The following BAZ2B variants were observed in gnomAD, a reference collection of about 807,000 sequenced individuals.
BAZ2B encodes the protein bromodomain adjacent to zinc finger domain protein 2B.
A neutral mutation model predicts 246.0 loss-of-function variants in BAZ2B; 91 were observed. That is an observed-to-expected ratio of 0.37 (90% CI 0.31 to 0.44). The LOEUF is 0.44. Ranked by LOEUF, BAZ2B falls within the 20% of genes least tolerant of loss-of-function variation. The pLI is 1.00. For synonymous variants in BAZ2B, 855 were observed against 860.0 expected, an observed-to-expected ratio of 0.99 and a Z score of 0.10; for missense variants, 2,332 against 2,533.7, an observed-to-expected ratio of 0.92 and a Z score of 1.71.
At position 159,383,680 on chromosome 2, in the gene BAZ2B, A is replaced by T; in HGVS notation, c.3687T>A (p.Ser1229Arg). ...NELACSKSVV[S>R]EIDKNIDYMS... ...TATAATCAATGTTCTTGTCGATTTC[A>T]CTGCCAATGCAAGAATTTATTAAAA... is the stretch of plus-strand genomic sequence containing the variant. Residue 1229 changes from serine (S) to arginine (R), a missense_variant and splice_region_variant, in exon 24 of 37, where the codon AGT becomes AGA. Physicochemically the swap from Ser to Arg is moderately radical, Grantham distance 110. This residue lies in a region of BAZ2B where 328 missense variants were observed against 410.4 expected (regional missense o/e 0.80). Transcript: ENST00000392783. The T allele has an allele frequency of 5.6e-6, 9 of 1,609,222 alleles. No individual in the cohort carries two copies. Among genetic ancestry groups the T allele is most frequent in the Non-Finnish European group, 7.6e-6 (9 of 1,177,436 alleles).
the BAZ2B span, among the ~76,000 whole-genome samples, chr2:159,650,470 C>G: frequency 6.6e-6 from 1 of 152,100 alleles, no homozygotes; most frequent in African/African-American, 2.4e-5. Flanking sequence ...TACCCAATGC[C>G]CCATAAATAG....
At chr2:159,461,519 T>A (rs191284326) in intron 3 of BAZ2B, 1 of 152,540 alleles carries the variant, frequency 6.6e-6, no homozygotes, top group African/African-American at 2.4e-5. Context: ...ATGATTTACA[T>A]AGCTGTTTAA....
At chr2:159,337,142 A>C (rs2065814908) in intron 32 of BAZ2B, 65 bp from the exon 33 acceptor site, 12 of 1,532,636 alleles carry the variant, frequency 7.8e-6, no homozygotes, top group Non-Finnish European at 1.1e-5. Context: ...AATGTGAAAC[A>C]ATCATCACAC....
At chr2:159,495,033 G>C (rs2080919321) in intron 2 of BAZ2B, among the ~76,000 whole-genome samples, 1 of 152,208 alleles carries the variant, frequency 6.6e-6, no homozygotes, top group East Asian at 1.9e-4. Context: ...AAATGGGGTG[G>C]CCTTTTCAGG....
At chr2:159,681,085 A>G in the BAZ2B span, among the ~76,000 whole-genome samples, 1 of 152,168 alleles carries the variant, frequency 6.6e-6, no homozygotes, top group Non-Finnish European at 1.5e-5. Context: ...TTCCTTCTAC[A>G]TAAAATGAGC....
chr2:159,402,229 C>T (rs2065193076), intron 16 of BAZ2B, among the ~76,000 whole-genome samples: 1 of 152,062 alleles, frequency 6.6e-6, no homozygotes, highest in Admixed American at 6.6e-5. Context: ...GGGCAGATCA[C>T]CTGAGGTCAG....
chr2:159,589,932 A>T (rs1688911210), intron 1 of BAZ2B, among the ~76,000 whole-genome samples: 1 of 152,150 alleles, frequency 6.6e-6, no homozygotes, highest in Non-Finnish European at 1.5e-5. Context: ...CACGCCTGTG[A>T]TCCCAGCACT....
chr2:159,332,259 T>C (rs1028535470), intron 34 of BAZ2B, among the ~76,000 whole-genome samples: 2 of 149,864 alleles, frequency 1.3e-5, no homozygotes, highest in Admixed American at 1.3e-4. Flanking sequence ...CAGGCTGAGG[T>C]AGGAAGATTG....
chr2:159,557,957 G>A (rs894046505), intron 1 of BAZ2B, among the ~76,000 whole-genome samples: 4 of 151,460 alleles, frequency 2.6e-5, no homozygotes, highest in East Asian at 1.9e-4. Flanking sequence ...GGGAAAGCGC[G>A]GGTAGTGAAT....
intron 2 of BAZ2B, among the ~76,000 whole-genome samples, chr2:159,534,312 T>C (rs923289266): frequency 6.6e-5 from 10 of 152,182 alleles, no homozygotes; most frequent in African/African-American, 2.4e-4. Context: ...ACCTAGATGG[T>C]AAAGACTACT....
chr2:159,644,228 A>G, the BAZ2B span, among the ~76,000 whole-genome samples: 6 of 152,214 alleles, frequency 3.9e-5, no homozygotes, highest in East Asian at 1.9e-4. Context: ...CAAAAATACA[A>G]TGGTGGGCTA....
In BAZ2B at chr2:159,512,744, G is replaced by C. The variant is rs185482355; in HGVS notation, c.-2-34023C>G. On this transcript the variant is annotated intron_variant, in intron 2 of 36. Transcript: ENST00000392783. ...AGCACTTATTAAGCACTATACACAG[G>C]GATGGGAACCAGGAGTAGAGGGAGT... Among the ~76,000 whole-genome samples, 284 of 152,224 alleles carry C rather than the reference G, an allele frequency of 1.9e-3. 2 individuals carry two copies. Among genetic ancestry groups the C allele is most frequent in the Admixed American group, 3.0e-3 (46 of 15,298 alleles).
intron 1 of BAZ2B, among the ~76,000 whole-genome samples, chr2:159,602,212 G>A (rs189372833): frequency 5.9e-5 from 9 of 152,100 alleles, no homozygotes; most frequent in East Asian, 1.9e-4. Context: ...CATATTTCTC[G>A]CTATATTGGA....
chr2:159,491,816 T>C (rs2080536657), intron 2 of BAZ2B, among the ~76,000 whole-genome samples: 1 of 151,576 alleles, frequency 6.6e-6, no homozygotes, highest in Non-Finnish European at 1.5e-5. Flanking sequence ...ATCATATTAC[T>C]TTAAAACTTC....
intron 2 of BAZ2B, among the ~76,000 whole-genome samples, chr2:159,521,317 T>G (rs1055283433): frequency 2.0e-4 from 30 of 152,136 alleles, no homozygotes; most frequent in Admixed American, 4.6e-4. Flanking sequence ...TTTGAACAAA[T>G]TTAACAACAA....
the BAZ2B span, among the ~76,000 whole-genome samples, chr2:159,688,193 C>G: frequency 6.9e-6 from 1 of 144,724 alleles, no homozygotes; most frequent in Admixed American, 7.5e-5. Flanking sequence ...GCATGTGCCA[C>G]CACACCCAGC....
rs758394168 is a variant in BAZ2B at position 159,324,934 on chromosome 2, T to G, written c.6230A>C (p.Glu2077Ala). 3 of 1,545,254 alleles carry G rather than the reference T, an allele frequency of 1.9e-6. No homozygotes were observed. The South Asian group carries it at 3.9e-5, about 20-fold the overall frequency. ...ALCSMILTEM[E>A]THEDAWPFLL... ...AAAAGGCCATGCATCCTCATGAGTT[T>G]CCATTTCAGTCAGAATCATACTAAA... Residue 2077 changes from glutamate (E) to alanine (A), a missense_variant, in exon 36 of 37, where the codon GAA (glutamate) becomes GCA (alanine). Around this residue, in one of 9 missense-constraint regions of BAZ2B, gnomAD observed 210 missense variants for 232.5 expected, o/e 0.90. Coordinates refer to ENST00000392783, the MANE Select transcript of BAZ2B (RefSeq NM_013450.4).
intron 1 of BAZ2B, among the ~76,000 whole-genome samples, chr2:159,561,868 G>C (rs185225428): frequency 9.4e-4 from 143 of 152,250 alleles, no homozygotes; most frequent in African/African-American, 3.3e-3. Flanking sequence ...TTATGTTTGG[G>C]GAAACAGGTT....
chr2:159,532,708 A>G (rs11892104), intron 2 of BAZ2B, among the ~76,000 whole-genome samples: 4,760 of 152,252 alleles, frequency 0.031, 252 homozygotes, highest in African/African-American at 0.11. Flanking sequence ...ATTATAAGTG[A>G]TATCTAAGGT....
Sources: allele counts gnomAD v4.1 joint callset (sites outside exome capture counted in the v4.1 genomes callset), GRCh38; gene constraint gnomAD v4.1.1; regional missense constraint gnomAD v4.1.1; transcripts MANE v1.5; gene names NCBI Gene and HGNC (gene_info 2026-07-23, HGNC 2026-07-21).